NOMO3: variants seen among roughly 807,000 people sequenced by gnomAD.
NOMO3 encodes NODAL modulator 3.
In NOMO3, 15 loss-of-function variants were observed where a neutral mutation model predicts 69.9. The observed-to-expected ratio is 0.21, with a 90% CI of 0.14 to 0.33. NOMO3 has a LOEUF of 0.33. Among genes scored for constraint, NOMO3 ranks in the 10% least tolerant of loss-of-function variants. NOMO3 has a pLI of 1.00. For missense variants in NOMO3, 218 were observed against 761.0 expected, an observed-to-expected ratio of 0.29 and a Z score of 8.39; for synonymous variants, 89 against 301.9, an observed-to-expected ratio of 0.29 and a Z score of 7.31.
At chr16:16,262,935 G>C (rs912612971) in intron 12 of NOMO3, 139 bp from the exon 13 acceptor site, 2 of 1,449,328 alleles carry the variant, frequency 1.4e-6, no homozygotes, top group African/African-American at 3.4e-5. Flanking sequence ...TGTTGTGATT[G>C]TAAAATCAGC....
At chr16:16,249,652 G>T (rs533290550) in intron 6 of NOMO3, among the ~76,000 whole-genome samples, 4,255 of 142,508 alleles carry the variant, frequency 0.03, 75 homozygotes, top group African/African-American at 0.041. Context: ...AGATTTTAAG[G>T]TTTACATTGT....
intron 15 of NOMO3, among the ~76,000 whole-genome samples, chr16:16,265,668 A>ATGTTTT (rs1462635090): frequency 4.0e-5 from 1 of 24,906 alleles, no homozygotes; most frequent in Non-Finnish European, 6.2e-5. Context: ...ATATATATAT[A>ATGTTTT]TATTTTTTTT....
chr16:16,267,527 T>C (rs2049629503), intron 16 of NOMO3, among the ~76,000 whole-genome samples: 1 of 143,320 alleles, frequency 7.0e-6, no homozygotes, highest in African/African-American at 2.9e-5. Context: ...CTCCGCCTCC[T>C]GGGTTCAGGC....
chr16:16,274,228 G>A lies in NOMO3; in HGVS notation c.2356+153G>A, dbSNP rs554852888. Among the ~76,000 whole-genome samples, 13 of 130,188 alleles carry A rather than the reference G, an allele frequency of 1.0e-4. No individual in the cohort carries two copies. In the South Asian group the frequency reaches 3.5e-3, roughly 35 times the overall value. 85.4% of individuals were successfully genotyped at this position (130,188 alleles called of 152,430 possible). ...ACACAGATGTTACTGTTGGTTGGAT[G>A]GATGGATGGATGGATGGATGGATGG... is the stretch of plus-strand genomic sequence containing the variant. On this transcript the variant is annotated intron_variant, in intron 20 of 30. Transcript: ENST00000399336.
chr16:16,237,750 A>G (rs2049339485), intron 2 of NOMO3, among the ~76,000 whole-genome samples: 1 of 143,960 alleles, frequency 6.9e-6, no homozygotes, highest in Non-Finnish European at 1.5e-5. Context: ...GGGTTTTGCC[A>G]TGTTGGCTAG....
rs1449893130 is a variant in NOMO3 at position 16,243,961 on chromosome 16, T to C, written c.402+700T>C. 1.4e-5 allele frequency among the ~76,000 whole-genome samples: 2 copies of C among 144,706 alleles called. 1 individual carries two copies. The highest frequency in any genetic ancestry group is 4.5e-4 in the East Asian group (2 of 4,484). 94.9% of individuals were successfully genotyped at this position (144,706 alleles called of 152,430 possible). A position where few individuals can be genotyped will look rare whatever the true frequency, so the allele number is the denominator to read the frequency against. ...TCTCCCAGAGAGAGCGTGCATCTGC[T>C]TCTGACACTTACGTAGGAGGATTCC... On this transcript the variant is annotated intron_variant, in intron 4 of 30. Transcript: ENST00000399336.
At chr16:16,240,523 G>A (rs1373197643) in intron 3 of NOMO3, among the ~76,000 whole-genome samples, 1 of 145,630 alleles carries the variant, frequency 6.9e-6, no homozygotes, top group Non-Finnish European at 1.5e-5. Context: ...TCAGTATTCA[G>A]AAACAGCCCT....
intron 15 of NOMO3, among the ~76,000 whole-genome samples, chr16:16,266,413 C>A: frequency 9.4e-6 from 1 of 106,616 alleles, no homozygotes; most frequent in East Asian, 3.7e-4. Flanking sequence ...TTTGACACTT[C>A]CTTAACCCCT....
intron 1 of NOMO3, among the ~76,000 whole-genome samples, chr16:16,233,549 G>GT (rs1239283553): frequency 1.2e-5 from 1 of 82,984 alleles, no homozygotes; most frequent in Non-Finnish European, 2.5e-5. Context: ...CCTGTTAAAT[G>GT]TTTATCAGCC....
rs567602797 is a variant in NOMO3 at position 16,258,187 on chromosome 16, G to A, written c.1220+2029G>A. ...AAAAATTAGCTAGTTTCATAACCTG[G>A]TCTAAAAATAAATAAAGAGATAAAA... On this transcript the variant is annotated intron_variant, in intron 11 of 30. Transcript: ENST00000399336. 3.4e-4 allele frequency among the ~76,000 whole-genome samples: 49 copies of A among 142,168 alleles called. 9 individuals carry two copies. The highest frequency in any genetic ancestry group is 6.1e-4 in the Non-Finnish European group (41 of 66,920). The allele number at this position is 142,168 out of a possible 152,430, so 93.3% of individuals were successfully genotyped here.
chr16:16,265,369 A>G, intron 15 of NOMO3, 190 bp downstream of exon 15: 2 of 601,160 alleles, frequency 3.3e-6, no homozygotes, highest in Non-Finnish European at 2.9e-6. Flanking sequence ...GGACCCCTGT[A>G]TTTAGGAGGT....
Position 16,255,757 on chromosome 16 carries a change from G to T in NOMO3, c.1001G>T (p.Arg334Met). ...GTCATGGGATTCTCCGTCACCGGGA[G>T]GGTCTTGAACGGACCCGAAGGAGAT... The part of the protein sequence containing the change: ...FHVMGFSVTG[R>M]VLNGPEGDGV... The change falls in exon 10 of 31, where the codon AGG becomes ATG. Residue 334 changes from arginine to methionine, a missense_variant. Physicochemically the swap from Arg to Met is moderately conservative, Grantham distance 91. Coordinates refer to ENST00000399336, the MANE Select transcript of NOMO3 (RefSeq NM_001004067.4). 1.3e-6 allele frequency: 2 copies of T among 1,584,532 alleles called. No homozygotes were observed. The highest frequency in any genetic ancestry group is 1.7e-6 in the Non-Finnish European group (2 of 1,174,798).
intron 1 of NOMO3, among the ~76,000 whole-genome samples, chr16:16,234,881 A>G (rs2049314309): frequency 6.6e-6 from 1 of 151,684 alleles, no homozygotes; most frequent in Admixed American, 6.6e-5. Context: ...TCACATTAAA[A>G]ACTGGGTGCT....
rs1008833463 is a variant in NOMO3 at position 16,261,193 on chromosome 16, A to G, written c.1221-309A>G. 19 of 383,492 alleles carry G rather than the reference A, an allele frequency of 5.0e-5. 1 individual carries two copies. The Admixed American group carries it at 7.5e-4, about 15-fold the overall frequency. 23.8% of individuals were successfully genotyped at this position (383,492 alleles called of 1,614,324 possible). A position where few individuals can be genotyped will look rare whatever the true frequency, so the allele number is the denominator to read the frequency against. Reference sequence around the variant, plus strand: ...TACCTGAAACGTTTTTATTATCTGCAGATTTTCTTAAAATTGCCTCTGCAG... The same window carrying G: ...TACCTGAAACGTTTTTATTATCTGCGGATTTTCTTAAAATTGCCTCTGCAG... On this transcript the variant is annotated intron_variant, in intron 11 of 30. Coordinates refer to ENST00000399336, the MANE Select transcript of NOMO3 (RefSeq NM_001004067.4).
chr16:16,266,163 A>G (rs1361413091), intron 15 of NOMO3, among the ~76,000 whole-genome samples: 5 of 139,174 alleles, frequency 3.6e-5, no homozygotes, highest in Non-Finnish European at 7.5e-5. Context: ...GAGCGGCGGC[A>G]GATGTCATCG....
chr16:16,256,289 TTTGAGAGACAGAGTC>T (rs2049511718), intron 11 of NOMO3, 131 bp downstream of exon 11: 1 of 1,396,862 alleles, frequency 7.2e-7, no homozygotes, highest in African/African-American at 1.9e-5. Context: ...TTTTTTTTTT[TTTGAGAGACAGAGTC>T]TTGCCCTGTT....
rs765325759 is a variant in NOMO3, at chr16:16,270,170, C to T, written c.1944C>T (p.Phe648=). 6.4e-7 allele frequency: 1 copy of T among 1,560,258 alleles called. No individual in the cohort carries two copies. Among genetic ancestry groups the T allele is most frequent in the Non-Finnish European group, 8.6e-7 (1 of 1,165,200 alleles). ...CCTGCCACCGGTTTGAGCAAGCGTT[C>T]TACACCTATGACACGTAAGCCTGGG... ...PRSCHRFEQA[F]YTYDTSSPSI... Residue 648 remains phenylalanine, a synonymous_variant, in exon 17 of 31, where the codon TTC becomes TTT. Transcript: ENST00000399336.
chr16:16,238,322 T>C (rs1231060402), intron 2 of NOMO3, among the ~76,000 whole-genome samples: 1 of 136,686 alleles, frequency 7.3e-6, no homozygotes, highest in Admixed American at 7.1e-5. Context: ...AACCTCTGCC[T>C]CCTGGGTTCC....
Position 16,261,676 on chromosome 16 carries a change from G to C in NOMO3, c.1395G>C (p.Gln465His). The change falls in exon 12 of 31, where the codon CAG becomes CAC. Residue 465 changes from glutamine to histidine, a missense_variant and splice_region_variant. Coordinates refer to ENST00000399336, the MANE Select transcript of NOMO3 (RefSeq NM_001004067.4). The part of the protein sequence containing the change: ...FKANPGTYKV[Q>H]VMVPEAETRA... ...CAAACCCAGGGACTTACAAAGTGCA[G>C]GTGCGATGCATTGTTTTAAATTTAA... is the stretch of plus-strand genomic sequence containing the variant. 6.4e-7 allele frequency: 1 copy of C among 1,571,080 alleles called. No homozygotes were observed. The highest frequency in any genetic ancestry group is 8.5e-7 in the Non-Finnish European group (1 of 1,170,144).
Sources: gnomAD v4.1 joint callset for allele counts (sites outside exome capture counted in the v4.1 genomes callset) on GRCh38, gnomAD v4.1.1 for gene constraint, MANE v1.5 for transcripts, NCBI Gene and HGNC (gene_info 2026-07-23, HGNC 2026-07-21) for gene names.